The following ADD1 variants were observed in gnomAD, a reference collection of about 807,000 sequenced individuals.
ADD1 encodes the protein alpha-adducin.
A neutral mutation model predicts 80.5 loss-of-function variants in ADD1; 24 were observed. The observed-to-expected ratio is 0.30, with a 90% CI of 0.22 to 0.42. ADD1 has a LOEUF of 0.42. Ranked by LOEUF, ADD1 falls within the 10% of genes least tolerant of loss-of-function variation. The pLI is 1.00. For synonymous variants in ADD1, 373 were observed against 393.8 expected (o/e 0.95, Z 0.63); for missense variants, 948 against 1,019.0 (o/e 0.93, Z 0.95).
At chr4:2,918,353 C>T (rs1314462124) in intron 14 of ADD1, among the ~76,000 whole-genome samples, 1 of 152,126 alleles carries the variant, frequency 6.6e-6, no homozygotes, top group Non-Finnish European at 1.5e-5. Context: ...GTGATTTTTG[C>T]AGTTGATTTT....
intron 13 of ADD1, 21 bp downstream of exon 13, chr4:2,909,452 A>C: frequency 6.5e-7 from 1 of 1,531,078 alleles, no homozygotes; most frequent in Non-Finnish European, 8.9e-7. Context: ...CCCTGTCCTC[A>C]CTACCTGTCT....
At chr4:2,878,031 T>G (rs1490913427) in intron 2 of ADD1, among the ~76,000 whole-genome samples, 2 of 152,074 alleles carry the variant, frequency 1.3e-5, no homozygotes, top group Non-Finnish European at 2.9e-5. Flanking sequence ...AGGATAGGGA[T>G]GGGCTTGATG....
chr4:2,910,067 C>T (rs576228726), intron 13 of ADD1, among the ~76,000 whole-genome samples: 4 of 145,402 alleles, frequency 2.8e-5, no homozygotes, highest in Admixed American at 7.1e-5. Context: ...CCTCTGTGTG[C>T]GGGCATCTAG....
chr4:2,888,578 G>A (rs1733784536), intron 4 of ADD1, among the ~76,000 whole-genome samples: 1 of 150,330 alleles, frequency 6.7e-6, no homozygotes, highest in South Asian at 2.1e-4. Context: ...ACCACACACA[G>A]CTAATTTTTT....
intron 1 of ADD1, among the ~76,000 whole-genome samples, chr4:2,847,100 C>CGGA (rs1209003741): frequency 6.6e-6 from 1 of 150,934 alleles, no homozygotes; most frequent in African/African-American, 2.4e-5. Context: ...CTGGGCGACA[C>CGGA]GGAGCGAGAC....
chr4:2,907,582 T>C (rs1737272598), intron 10 of ADD1, 161 bp from the exon 11 acceptor site: 2 of 636,464 alleles, frequency 3.1e-6, no homozygotes, highest in Non-Finnish European at 5.7e-6. Flanking sequence ...CCTGCTCCCA[T>C]GGCGACTCTG....
chr4:2,866,579 C>G (rs957813789), intron 1 of ADD1, among the ~76,000 whole-genome samples: 1 of 151,678 alleles, frequency 6.6e-6, no homozygotes, highest in Non-Finnish European at 1.5e-5. Flanking sequence ...CATTCATTTA[C>G]CAAATATTTA....
chr4:2,897,866 G>C (rs1158393713), intron 6 of ADD1, among the ~76,000 whole-genome samples: 2 of 152,002 alleles, frequency 1.3e-5, no homozygotes, highest in African/African-American at 4.8e-5. Flanking sequence ...AGGAGTCTGT[G>C]GTCTGCTCCT....
At chr4:2,863,398 T>C (rs530495814) in intron 1 of ADD1, among the ~76,000 whole-genome samples, 1 of 152,126 alleles carries the variant, frequency 6.6e-6, no homozygotes, top group South Asian at 2.1e-4. Flanking sequence ...ATTTGAATGT[T>C]AATATAGGAA....
chr4:2,891,190 T>A (rs1482350956), intron 4 of ADD1, among the ~76,000 whole-genome samples: 2 of 151,574 alleles, frequency 1.3e-5, no homozygotes, highest in African/African-American at 2.4e-5. Context: ...GGCTCATGCC[T>A]CTAATCCCAG....
chr4:2,892,695 C>A (rs1312045036), intron 4 of ADD1, among the ~76,000 whole-genome samples: 1 of 151,868 alleles, frequency 6.6e-6, no homozygotes, highest in Non-Finnish European at 1.5e-5. Context: ...AATAGCCAGG[C>A]TTAATGACTT....
At chr4:2,896,654 C>T (rs1248800766) in intron 6 of ADD1, among the ~76,000 whole-genome samples, 4 of 150,380 alleles carry the variant, frequency 2.7e-5, no homozygotes, top group African/African-American at 4.9e-5. Flanking sequence ...TTTTTTTTTT[C>T]CTGAAAGAAT....
At chr4:2,881,142 A>G (rs984724831) in intron 2 of ADD1, among the ~76,000 whole-genome samples, 12 of 141,696 alleles carry the variant, frequency 8.5e-5, no homozygotes, top group African/African-American at 2.7e-4. Context: ...CAATGGCCCA[A>G]TCTCGGCTCA....
At chr4:2,884,189 T>A (rs941759212) in intron 3 of ADD1, among the ~76,000 whole-genome samples, 1 of 152,260 alleles carries the variant, frequency 6.6e-6, no homozygotes, top group Non-Finnish European at 1.5e-5. Flanking sequence ...TATCTTTTTG[T>A]TATTGATTTC....
intron 4 of ADD1, among the ~76,000 whole-genome samples, chr4:2,892,862 A>AC (rs1694351380): frequency 1.3e-5 from 2 of 151,620 alleles, no homozygotes; most frequent in African/African-American, 4.8e-5. Flanking sequence ...AAAAAAAAAA[A>AC]CAGATCAAGT....
intron 10 of ADD1, 182 bp from the exon 11 acceptor site, chr4:2,907,561 T>G: frequency 1.8e-6 from 1 of 558,052 alleles, no homozygotes; most frequent in Non-Finnish European, 3.3e-6. Flanking sequence ...CTGGTCTTTA[T>G]GTGGCTGCAT....
intron 14 of ADD1, among the ~76,000 whole-genome samples, chr4:2,921,826 G>T (rs1236761718): frequency 6.6e-6 from 1 of 151,898 alleles, no homozygotes; most frequent in Non-Finnish European, 1.5e-5. Context: ...TGGAGGCTTT[G>T]TTCATTCCTT....
At chr4:2,860,956 G>A (rs1358863654) in intron 1 of ADD1, among the ~76,000 whole-genome samples, 2 of 152,226 alleles carry the variant, frequency 1.3e-5, no homozygotes, top group Non-Finnish European at 2.9e-5. Context: ...AACACAAAAA[G>A]TCCAGGGTGA....
Position 2,926,169 on chromosome 4 carries a change from T to C in ADD1, c.2047+57T>C. On this transcript the variant is annotated intron_variant, in intron 15 of 15. Transcript: ENST00000683351. The surrounding 1 kb of genome is among the most constrained non-coding windows in gnomAD (Gnocchi z 5.0). ...GGGAGGGTGCACGGCTCGTGCGCGC[T>C]GTGGCGGAATGTGGCGGGAGTCGTG... 1 of 1,416,622 alleles carries C rather than the reference T, an allele frequency of 7.1e-7. No individual in the cohort carries two copies. Among genetic ancestry groups the C allele is most frequent in the Non-Finnish European group, 1.0e-6 (1 of 1,002,910 alleles). 87.8% of individuals were successfully genotyped at this position (1,416,622 alleles called of 1,614,324 possible).
Sources: gnomAD v4.1 joint callset for allele counts (sites outside exome capture counted in the v4.1 genomes callset) on GRCh38, gnomAD v4.1.1 for gene constraint, Gnocchi (gnomAD v3.1) non-coding constraint, MANE v1.5 for transcripts, NCBI Gene and HGNC (gene_info 2026-07-23, HGNC 2026-07-21) for gene names.